The following CMTM8 variants were observed in gnomAD, a reference collection of about 807,000 sequenced individuals.
CMTM8 encodes CKLF like MARVEL transmembrane domain containing 8.
A neutral mutation model predicts 18.6 loss-of-function variants in CMTM8; 12 were observed. The observed-to-expected ratio is 0.65, with a 90% CI of 0.41 to 1.05. The LOEUF (loss-of-function observed/expected upper bound fraction) is 1.05, where lower values mean the gene tolerates loss of function less well. Among genes scored for constraint, CMTM8 ranks in the 50% least tolerant of loss-of-function variants. The probability of loss-of-function intolerance (pLI) is 0.00; values close to 1 mark genes in which losing one functional copy is unlikely to be tolerated. For missense variants in CMTM8, 217 were observed against 227.2 expected (o/e 0.95, Z 0.29); for synonymous variants, 87 against 90.6 (o/e 0.96, Z 0.23).
chr3:32,296,287 A>G (rs931171818), intron 1 of CMTM8, among the ~76,000 whole-genome samples: 1 of 152,106 alleles, frequency 6.6e-6, no homozygotes, highest in Non-Finnish European at 1.5e-5. Context: ...CTTCTACAGC[A>G]TTATAGGGTA....
intron 2 of CMTM8, among the ~76,000 whole-genome samples, chr3:32,366,715 T>A (rs6550121): frequency 0.56 from 84,207 of 151,696 alleles, 23,632 homozygotes; most frequent in East Asian, 0.75. Context: ...TATGGGGAAA[T>A]AATACCAGTA....
chr3:32,319,074 A>ATTTTT (rs1177949113), intron 1 of CMTM8, among the ~76,000 whole-genome samples: 4 of 31,530 alleles, frequency 1.3e-4, no homozygotes, highest in Admixed American at 5.7e-4. Flanking sequence ...ATATATATAT[A>ATTTTT]TTTTTTTTTT....
Position 32,238,841 on chromosome 3 carries a change from C to T in CMTM8, c.-132C>T. 2.8e-6 allele frequency: 2 copies of T among 723,328 alleles called. No homozygotes were observed. Among genetic ancestry groups the T allele is most frequent in the Non-Finnish European group, 3.8e-6 (2 of 525,872 alleles). 44.8% of individuals were successfully genotyped at this position (723,328 alleles called of 1,614,324 possible). ...CTGGACAGCCCCCGGCGGGCGCCCC[C>T]CTCGCACCTCCTGCCCCGCGCGGGC... is the stretch of plus-strand genomic sequence containing the variant. On this transcript the variant is annotated 5_prime_UTR_variant, in exon 1 of 4. Transcript: ENST00000307526.
chr3:32,316,365 T>TA (rs1695931660), intron 1 of CMTM8, among the ~76,000 whole-genome samples: 2 of 152,174 alleles, frequency 1.3e-5, no homozygotes, highest in African/African-American at 4.8e-5. Flanking sequence ...ATTCACTAGT[T>TA]AAGCAGATTT....
chr3:32,281,743 GTC>G (rs1559368993), intron 1 of CMTM8, among the ~76,000 whole-genome samples: 1 of 152,156 alleles, frequency 6.6e-6, no homozygotes, highest in African/African-American at 2.4e-5. Flanking sequence ...CACCAGTGAC[GTC>G]TGTTTTGCCA....
At chr3:32,296,850 A>C (rs758012689) in intron 1 of CMTM8, among the ~76,000 whole-genome samples, 14 of 152,318 alleles carry the variant, frequency 9.2e-5, no homozygotes, top group Middle Eastern at 3.4e-3. Flanking sequence ...CCAGGGCGGC[A>C]GACTGTGTGT....
At chr3:32,255,533 G>A (rs1575147043) in intron 1 of CMTM8, among the ~76,000 whole-genome samples, 4 of 151,964 alleles carry the variant, frequency 2.6e-5, no homozygotes, top group Non-Finnish European at 2.9e-5. Flanking sequence ...TTTGTGTCAC[G>A]TACTTTCTTG....
chr3:32,340,225 G>A (rs558630463), intron 1 of CMTM8, among the ~76,000 whole-genome samples: 6 of 152,260 alleles, frequency 3.9e-5, no homozygotes, highest in East Asian at 3.9e-4. Flanking sequence ...CTGATCTCTC[G>A]CCATTCAACA....
intron 1 of CMTM8, among the ~76,000 whole-genome samples, chr3:32,351,425 C>T (rs1696704314): frequency 6.6e-6 from 1 of 152,090 alleles, no homozygotes; most frequent in South Asian, 2.1e-4. Flanking sequence ...CCAATTATGT[C>T]GGCCAGGCAT....
At chr3:32,333,631 C>CA (rs10576288) in intron 1 of CMTM8, among the ~76,000 whole-genome samples, 3,315 of 114,666 alleles carry the variant, frequency 0.029, 87 homozygotes, top group African/African-American at 0.087. Context: ...ACTTTTCCAC[C>CA]AAAAAAAAAA....
chr3:32,301,687 A>T (rs1695621542), intron 1 of CMTM8, among the ~76,000 whole-genome samples: 1 of 152,016 alleles, frequency 6.6e-6, no homozygotes, highest in African/African-American at 2.4e-5. Context: ...GTTTTCCATG[A>T]ATGATTTTGG....
chr3:32,263,185 A>C (rs1702281005), intron 1 of CMTM8, among the ~76,000 whole-genome samples: 1 of 152,178 alleles, frequency 6.6e-6, no homozygotes, highest in South Asian at 2.1e-4. Context: ...TGAGTAGCCT[A>C]ACTGGGAGGC....
chr3:32,255,156 T>G (rs1702160913), intron 1 of CMTM8, among the ~76,000 whole-genome samples: 1 of 152,238 alleles, frequency 6.6e-6, no homozygotes, highest in Non-Finnish European at 1.5e-5. Context: ...CCACATTTTA[T>G]TCATCTGTTC....
At chr3:32,261,645 A>G (rs1413160544) in intron 1 of CMTM8, among the ~76,000 whole-genome samples, 2 of 152,204 alleles carry the variant, frequency 1.3e-5, no homozygotes, top group Non-Finnish European at 2.9e-5. Context: ...TTTCACGTTC[A>G]TTGTCTCAGT....
chr3:32,278,026 G>T (rs1322098646), intron 1 of CMTM8, among the ~76,000 whole-genome samples: 1 of 152,218 alleles, frequency 6.6e-6, no homozygotes, highest in African/African-American at 2.4e-5. Flanking sequence ...GCTCCGTGGT[G>T]TCAGAGACGC....
chr3:32,293,164 G>A (rs367902167), intron 1 of CMTM8, among the ~76,000 whole-genome samples: 8 of 152,008 alleles, frequency 5.3e-5, no homozygotes, highest in African/African-American at 1.2e-4. Context: ...TCACTTTGGC[G>A]GCTATGTAGC....
rs538743570 is a variant in CMTM8 at position 32,278,325 on chromosome 3, A to G, written c.147+39206A>G. 7.9e-5 allele frequency among the ~76,000 whole-genome samples: 12 copies of G among 152,328 alleles called. No individual in the cohort carries two copies. In the South Asian group the frequency reaches 2.5e-3, roughly 32 times the overall value. ...TTAAAACCCACTTCTTACTAAAGGC[A>G]GAATGTGAGAGCGGATGGTATGGAC... On this transcript the variant is annotated intron_variant, in intron 1 of 3. Coordinates refer to ENST00000307526, the MANE Select transcript of CMTM8 (RefSeq NM_178868.5).
intron 1 of CMTM8, among the ~76,000 whole-genome samples, chr3:32,351,841 C>CTCTACAAA (rs1696715500): frequency 6.6e-6 from 1 of 151,934 alleles, no homozygotes; most frequent in African/African-American, 2.4e-5. Flanking sequence ...ATGTAAAGAT[C>CTCTACAAA]TCTACAAATC....
intron 1 of CMTM8, among the ~76,000 whole-genome samples, chr3:32,321,356 G>A (rs1193836367): frequency 6.6e-6 from 1 of 152,132 alleles, no homozygotes; most frequent in Non-Finnish European, 1.5e-5. Flanking sequence ...GTGCGACGGG[G>A]GCTTGGGTGT....
Sources: allele counts gnomAD v4.1 joint callset (sites outside exome capture counted in the v4.1 genomes callset), GRCh38; gene constraint gnomAD v4.1.1; transcripts MANE v1.5; gene names NCBI Gene and HGNC (gene_info 2026-07-23, HGNC 2026-07-21).